The following LCLAT1 variants were observed in gnomAD, a reference collection of about 807,000 sequenced individuals.
LCLAT1 encodes lysocardiolipin acyltransferase 1, also known as 1-AGP acyltransferase 8.
A neutral mutation model predicts 30.7 loss-of-function variants in LCLAT1; 11 were observed. The observed-to-expected ratio is 0.36, with a 90% CI of 0.23 to 0.59. The LOEUF (loss-of-function observed/expected upper bound fraction) is 0.59, where lower values mean the gene tolerates loss of function less well. Ranked by LOEUF, LCLAT1 falls within the 20% of genes least tolerant of loss-of-function variation. The probability of loss-of-function intolerance (pLI) is 0.77; values close to 1 mark genes in which losing one functional copy is unlikely to be tolerated. For synonymous variants in LCLAT1, 155 were observed against 151.3 expected (o/e 1.02, Z -0.18); for missense variants, 402 against 458.6 (o/e 0.88, Z 1.13).
intron 1 of LCLAT1, among the ~76,000 whole-genome samples, chr2:30,497,767 GC>G (rs1204072260): frequency 6.6e-6 from 1 of 152,072 alleles, no homozygotes; most frequent in Non-Finnish European, 1.5e-5. Context: ...TGCATTGTCA[GC>G]CATACTCTTC....
chr2:30,573,418 A>G (rs897407011), intron 5 of LCLAT1, among the ~76,000 whole-genome samples: 1 of 152,184 alleles, frequency 6.6e-6, no homozygotes, highest in African/African-American at 2.4e-5. Flanking sequence ...TCACACTGAG[A>G]TAGGTATCCA....
At chr2:30,556,944 A>C (rs901977525) in intron 3 of LCLAT1, among the ~76,000 whole-genome samples, 1 of 151,940 alleles carries the variant, frequency 6.6e-6, no homozygotes, top group Non-Finnish European at 1.5e-5. Context: ...GGGTTTCTCC[A>C]TATTGTTCAG....
intron 5 of LCLAT1, among the ~76,000 whole-genome samples, chr2:30,582,540 C>A (rs1260069619): frequency 1.3e-5 from 2 of 152,188 alleles, no homozygotes; most frequent in East Asian, 3.9e-4. Context: ...TCTCTGTTGT[C>A]CAACTTTGCT....
At chr2:30,586,813 T>A (rs1340634793) in intron 5 of LCLAT1, among the ~76,000 whole-genome samples, 1 of 152,172 alleles carries the variant, frequency 6.6e-6, no homozygotes, top group African/African-American at 2.4e-5. Flanking sequence ...ATTGTTCAAA[T>A]GTCTTTAGTC....
chr2:30,491,225 G>C (rs1329496433), intron 1 of LCLAT1, among the ~76,000 whole-genome samples: 1 of 152,140 alleles, frequency 6.6e-6, no homozygotes, highest in Non-Finnish European at 1.5e-5. Context: ...TATTGGCCAT[G>C]GATAAAGTAT....
chr2:30,595,422 C>T (rs1666888668), intron 5 of LCLAT1, among the ~76,000 whole-genome samples: 1 of 152,214 alleles, frequency 6.6e-6, no homozygotes, highest in Middle Eastern at 3.4e-3. Context: ...TATCAAGATG[C>T]CTCCACCATA....
At chr2:30,469,967 G>A (rs1253141928) in intron 1 of LCLAT1, among the ~76,000 whole-genome samples, 2 of 152,230 alleles carry the variant, frequency 1.3e-5, no homozygotes, top group African/African-American at 4.8e-5. Context: ...CTGGCCTCAA[G>A]TGATCCACCC....
chr2:30,478,687 A>AGGTAGGTAGG lies in LCLAT1; in HGVS notation c.-5+31304_-5+31305insGGTAGGTAGG, dbSNP rs1553357934. On this transcript the variant is annotated intron_variant, in intron 1 of 5. Coordinates refer to ENST00000379509, the MANE Select transcript of LCLAT1 (RefSeq NM_001002257.3). ...TGTCAATAAATAAATAAATAGATAG[A>AGGTAGGTAGG]TAGGTAGGTAGGTAGGTAGGTAGGT... is the stretch of plus-strand genomic sequence containing the variant. Among the ~76,000 whole-genome samples, 1,071 of 132,648 alleles carry AGGTAGGTAGG rather than the reference A, an allele frequency of 8.1e-3. 9 individuals are homozygous for AGGTAGGTAGG. Among genetic ancestry groups the AGGTAGGTAGG allele is most frequent in the African/African-American group, 0.024 (931 of 38,538 alleles). The allele number at this position is 132,648 out of a possible 152,430, so 87.0% of individuals were successfully genotyped here. A position where few individuals can be genotyped will look rare whatever the true frequency, so the allele number is the denominator to read the frequency against.
At chr2:30,584,199 G>T (rs761102645) in intron 5 of LCLAT1, among the ~76,000 whole-genome samples, 1 of 152,122 alleles carries the variant, frequency 6.6e-6, no homozygotes, top group Non-Finnish European at 1.5e-5. Flanking sequence ...TTCTGAATCC[G>T]TGTAGCAGTT....
rs1372438696 is a variant in LCLAT1, at chr2:30,533,106, GT to G, written c.166-6del. Reference sequence around the variant, plus strand: ...CTTTAATTTGCTGTATATCTGTATTGTTTTCTTAGGCATTATTGGAGACCAT... The same window carrying G: ...CTTTAATTTGCTGTATATCTGTATTGTTTCTTAGGCATTATTGGAGACCAT... On this transcript the variant is annotated splice_polypyrimidine_tract_variant and intron_variant, in intron 2 of 5. Transcript: ENST00000379509. The G allele has an allele frequency of 1.3e-6, 2 of 1,597,524 alleles. No individual in the cohort carries two copies. The highest frequency in any genetic ancestry group is 1.7e-6 in the Non-Finnish European group (2 of 1,164,866).
intron 3 of LCLAT1, among the ~76,000 whole-genome samples, chr2:30,551,223 T>C (rs1320257149): frequency 2.0e-5 from 3 of 152,198 alleles, no homozygotes; most frequent in African/African-American, 7.2e-5. Context: ...CCCAGGTTGG[T>C]CTTGAACTCC....
chr2:30,519,267 C>T (rs1036467414), intron 1 of LCLAT1, among the ~76,000 whole-genome samples: 6 of 152,160 alleles, frequency 3.9e-5, no homozygotes, highest in African/African-American at 1.2e-4. Flanking sequence ...TGCTGTAAAA[C>T]TACAAATCGT....
chr2:30,560,372 T>C (rs1415056872), intron 3 of LCLAT1, among the ~76,000 whole-genome samples: 2 of 151,914 alleles, frequency 1.3e-5, no homozygotes, highest in Non-Finnish European at 2.9e-5. Flanking sequence ...TGCCCAACTA[T>C]GTTGTTGTGT....
intron 1 of LCLAT1, among the ~76,000 whole-genome samples, chr2:30,452,325 TTTAAAAGAA>T (rs1681593851): frequency 6.6e-6 from 1 of 152,038 alleles, no homozygotes; most frequent in South Asian, 2.1e-4. Flanking sequence ...AAAGAGGTAC[TTTAAAAGAA>T]TTTAAAAGGA....
At chr2:30,457,913 TAA>T (rs1204844908) in intron 1 of LCLAT1, among the ~76,000 whole-genome samples, 1 of 152,194 alleles carries the variant, frequency 6.6e-6, no homozygotes, top group African/African-American at 2.4e-5. Flanking sequence ...GTGTGAGGAT[TAA>T]AAGAGATGTT....
chr2:30,597,388 T>G (rs1666969574), intron 5 of LCLAT1, among the ~76,000 whole-genome samples: 1 of 152,174 alleles, frequency 6.6e-6, no homozygotes, highest in Admixed American at 6.5e-5. Flanking sequence ...CCTAGGTATT[T>G]TATTCTCTTT....
chr2:30,518,702 A>T (rs1685316488), intron 1 of LCLAT1, among the ~76,000 whole-genome samples: 1 of 152,118 alleles, frequency 6.6e-6, no homozygotes, highest in African/African-American at 2.4e-5. Flanking sequence ...TTTCCCAAAT[A>T]CCAGAGGAAG....
Position 30,640,101 on chromosome 2 carries a change from T to A in LCLAT1, c.629-16T>A, listed in dbSNP as rs373421332. ...GAGCACTGCTTAATCTATGTTTTCA[T>A]CTTTTCGAAACCCAGGTAAGAACCT... On this transcript the variant is annotated splice_polypyrimidine_tract_variant and intron_variant, in intron 5 of 5. Coordinates refer to ENST00000379509, the MANE Select transcript of LCLAT1 (RefSeq NM_001002257.3). 10 of 1,595,930 alleles carry A rather than the reference T, an allele frequency of 6.3e-6. No individual in the cohort carries two copies. In the African/African-American group the frequency reaches 9.4e-5, roughly 15 times the overall value.
chr2:30,539,104 C>T (rs1343744239), intron 3 of LCLAT1, among the ~76,000 whole-genome samples: 8 of 151,762 alleles, frequency 5.3e-5, no homozygotes, highest in African/African-American at 1.2e-4. Flanking sequence ...GGACTACAGG[C>T]GCACGCCACC....
Sources: allele counts gnomAD v4.1 joint callset (sites outside exome capture counted in the v4.1 genomes callset), GRCh38; gene constraint gnomAD v4.1.1; transcripts MANE v1.5; gene names NCBI Gene and HGNC (gene_info 2026-07-23, HGNC 2026-07-21).